Variants in SH3GL2 observed in about 807,000 individuals in gnomAD.
SH3GL2 encodes endophilin-A1.
A neutral mutation model predicts 46.0 loss-of-function variants in SH3GL2; 24 were observed. The ratio of observed to expected loss-of-function variants is 0.52; its 90% CI spans 0.38 to 0.73. SH3GL2 has a LOEUF of 0.73. Among genes scored for constraint, SH3GL2 ranks in the 30% least tolerant of loss-of-function variants. SH3GL2 has a pLI of 0.00. For synonymous variants in SH3GL2, 196 were observed against 147.1 expected (o/e 1.33, Z -2.40); for missense variants, 413 against 424.2 (o/e 0.97, Z 0.23).
At chr9:17,792,333 CTA>C (rs1824154796) in intron 7 of SH3GL2, among the ~76,000 whole-genome samples, 1 of 152,082 alleles carries the variant, frequency 6.6e-6, no homozygotes, top group South Asian at 2.1e-4. Flanking sequence ...TAAAGAAATA[CTA>C]TGTGTCTTTG....
intron 1 of SH3GL2, among the ~76,000 whole-genome samples, chr9:17,699,698 G>A (rs117312999): frequency 4.6e-5 from 7 of 152,188 alleles, no homozygotes; most frequent in African/African-American, 1.7e-4. Context: ...CAAAGACCAC[G>A]TGCCTCTTTG....
intron 1 of SH3GL2, among the ~76,000 whole-genome samples, chr9:17,612,529 A>G (rs1319390688): frequency 6.6e-6 from 1 of 152,174 alleles, no homozygotes; most frequent in Admixed American, 6.5e-5. Flanking sequence ...AGGACCAGAA[A>G]TTGTATAATT....
intron 1 of SH3GL2, among the ~76,000 whole-genome samples, chr9:17,736,167 G>C (rs867858715): frequency 3.3e-5 from 5 of 152,022 alleles, no homozygotes; most frequent in African/African-American, 1.2e-4. Flanking sequence ...GATTATAAAT[G>C]AAATGTGTTT....
At chr9:17,592,678 T>C (rs1382690650) in intron 1 of SH3GL2, among the ~76,000 whole-genome samples, 1 of 152,174 alleles carries the variant, frequency 6.6e-6, no homozygotes, top group Non-Finnish European at 1.5e-5. Context: ...GGGGATTCAG[T>C]GTTCTTAAGG....
intron 1 of SH3GL2, among the ~76,000 whole-genome samples, chr9:17,671,816 T>C (rs907780806): frequency 5.9e-5 from 9 of 152,312 alleles, no homozygotes; most frequent in African/African-American, 1.9e-4. Context: ...GATAATGACA[T>C]CTTCGTTGCC....
At chr9:17,700,406 A>G (rs1365827986) in intron 1 of SH3GL2, among the ~76,000 whole-genome samples, 1 of 152,194 alleles carries the variant, frequency 6.6e-6, no homozygotes, top group Non-Finnish European at 1.5e-5. Flanking sequence ...TCCTAAAGCA[A>G]TACCCTAAGA....
intron 1 of SH3GL2, among the ~76,000 whole-genome samples, chr9:17,744,858 C>G (rs1822634345): frequency 6.6e-6 from 1 of 152,156 alleles, no homozygotes; most frequent in Non-Finnish European, 1.5e-5. Context: ...AGGGGATCAT[C>G]AGTCAGCATC....
intron 2 of SH3GL2, among the ~76,000 whole-genome samples, chr9:17,751,646 T>C (rs1822851287): frequency 6.6e-6 from 1 of 152,170 alleles, no homozygotes; most frequent in African/African-American, 2.4e-5. Context: ...CTTGTGAGTT[T>C]TGTGGTTAGT....
chr9:17,680,263 A>AT (rs1020468465), intron 1 of SH3GL2, among the ~76,000 whole-genome samples: 1 of 151,692 alleles, frequency 6.6e-6, no homozygotes, highest in Non-Finnish European at 1.5e-5. Context: ...TGGTCCTGGG[A>AT]TTTTTTTGGT....
chr9:17,651,838 A>G (rs191633014), intron 1 of SH3GL2, among the ~76,000 whole-genome samples: 4 of 152,132 alleles, frequency 2.6e-5, no homozygotes, highest in African/African-American at 9.6e-5. Context: ...CTCACTCATT[A>G]CTTCAGTAGT....
At position 17,746,039 on chromosome 9, in the gene SH3GL2, T is replaced by C. The variant is rs146063879; in HGVS notation, c.46-1027T>C. Among the ~76,000 whole-genome samples, 126 of 152,294 alleles carry C rather than the reference T, an allele frequency of 8.3e-4. 1 individual carries two copies. Among genetic ancestry groups the C allele is most frequent in the African/African-American group, 2.7e-3 (112 of 41,562 alleles). Reference sequence around the variant, plus strand: ...TTTTGTGTGATCCGTTTGTATTTAATTTGAATCATTATTTCAGAATATAAA... The same window carrying C: ...TTTTGTGTGATCCGTTTGTATTTAACTTGAATCATTATTTCAGAATATAAA... On this transcript the variant is annotated intron_variant, in intron 1 of 8. Coordinates refer to ENST00000380607, the MANE Select transcript of SH3GL2 (RefSeq NM_003026.5).
intron 1 of SH3GL2, among the ~76,000 whole-genome samples, chr9:17,691,068 A>T (rs1821064833): frequency 6.6e-6 from 1 of 152,154 alleles, no homozygotes; most frequent in Non-Finnish European, 1.5e-5. Context: ...ACCTCTTATT[A>T]CCAATAAGAA....
chr9:17,705,256 G>T (rs1484107811), intron 1 of SH3GL2, among the ~76,000 whole-genome samples: 1 of 152,084 alleles, frequency 6.6e-6, no homozygotes. Context: ...ATGTTGGCAA[G>T]ATTGCAGAGA....
At chr9:17,679,903 T>C (rs1820723321) in intron 1 of SH3GL2, among the ~76,000 whole-genome samples, 1 of 152,250 alleles carries the variant, frequency 6.6e-6, no homozygotes, top group Admixed American at 6.5e-5. Flanking sequence ...GTTTTTGTCT[T>C]TGGTTCTGTT....
intron 1 of SH3GL2, among the ~76,000 whole-genome samples, chr9:17,635,599 G>C (rs1439066952): frequency 1.3e-5 from 2 of 152,166 alleles, no homozygotes; most frequent in Non-Finnish European, 2.9e-5. Flanking sequence ...TGCCTCCTGG[G>C]GTTCGGGATG....
chr9:17,670,402 T>C (rs530263244), intron 1 of SH3GL2, among the ~76,000 whole-genome samples: 1 of 152,324 alleles, frequency 6.6e-6, no homozygotes, highest in East Asian at 1.9e-4. Context: ...TTTTTCTACC[T>C]CCTGTATCAT....
chr9:17,622,056 A>G (rs1206836655), intron 1 of SH3GL2, among the ~76,000 whole-genome samples: 1 of 152,208 alleles, frequency 6.6e-6, no homozygotes, highest in Non-Finnish European at 1.5e-5. Flanking sequence ...TCCCAAAGGT[A>G]AATTTTGGGA....
chr9:17,621,761 A>G (rs1471057443), intron 1 of SH3GL2, among the ~76,000 whole-genome samples: 1 of 152,210 alleles, frequency 6.6e-6, no homozygotes, highest in African/African-American at 2.4e-5. Flanking sequence ...GTGGAGAGTT[A>G]AAGCCATTAC....
At chr9:17,648,591 G>A (rs1019047761) in intron 1 of SH3GL2, among the ~76,000 whole-genome samples, 3 of 152,056 alleles carry the variant, frequency 2.0e-5, no homozygotes, top group African/African-American at 4.8e-5. Context: ...ATATTTTCTT[G>A]TTGTCATTAT....
Sources: gnomAD v4.1 joint callset for allele counts (sites outside exome capture counted in the v4.1 genomes callset) on GRCh38, gnomAD v4.1.1 for gene constraint, MANE v1.5 for transcripts, NCBI Gene and HGNC (gene_info 2026-07-23, HGNC 2026-07-21) for gene names.